Variants in WDR20 observed in about 807,000 individuals in gnomAD.
WDR20 encodes WD repeat-containing protein 20.
WDR20 carries 3 observed loss-of-function variants against 38.7 expected under a neutral mutation model. That is an observed-to-expected ratio of 0.08 (90% CI 0.04 to 0.20). WDR20 has a LOEUF of 0.20. Ranked by LOEUF, WDR20 falls within the 10% of genes least tolerant of loss-of-function variation. The probability of loss-of-function intolerance (pLI) is 1.00; values close to 1 mark genes in which losing one functional copy is unlikely to be tolerated. For missense variants in WDR20, 559 were observed against 727.7 expected (o/e 0.77, Z 2.67); for synonymous variants, 298 against 285.6 (o/e 1.04, Z -0.44).
chr14:102,213,258 G>A (rs934783597), downstream of WDR20: 24 of 985,328 alleles, frequency 2.4e-5, no homozygotes, highest in East Asian at 1.1e-4. Flanking sequence ...TTCCCCCAGC[G>A]GCCTGGAGAA....
At chr14:102,198,692 G>A (rs537059252) in intron 2 of WDR20, among the ~76,000 whole-genome samples, 85 of 152,164 alleles carry the variant, frequency 5.6e-4, no homozygotes, top group Admixed American at 9.8e-4. Context: ...CCTGAAGTAC[G>A]GGATTCCTTA....
chr14:102,169,431 G>A (rs573722985), intron 1 of WDR20, among the ~76,000 whole-genome samples: 1 of 152,316 alleles, frequency 6.6e-6, no homozygotes, highest in African/African-American at 2.4e-5. Flanking sequence ...TACAAGAGGA[G>A]GGCTTTATCT....
At chr14:102,160,539 A>G (rs1035956513) in intron 1 of WDR20, among the ~76,000 whole-genome samples, 2 of 152,072 alleles carry the variant, frequency 1.3e-5, no homozygotes, top group Non-Finnish European at 2.9e-5. Flanking sequence ...TTTCCATTTT[A>G]GTAAAAGAGA....
intron 1 of WDR20, among the ~76,000 whole-genome samples, chr14:102,147,772 C>G (rs1224454995): frequency 2.6e-5 from 4 of 152,178 alleles, no homozygotes; most frequent in Non-Finnish European, 5.9e-5. Flanking sequence ...ACTCTATTCC[C>G]CAGGCTGGAG....
At chr14:102,165,542 T>TGTA (rs1566876188) in intron 1 of WDR20, among the ~76,000 whole-genome samples, 1 of 152,268 alleles carries the variant, frequency 6.6e-6, no homozygotes, top group East Asian at 1.9e-4. Context: ...AGGAGCTTCT[T>TGTA]GTATGTTAGC....
downstream of WDR20, among the ~76,000 whole-genome samples, chr14:102,218,753 C>T (rs932876379): frequency 3.9e-5 from 6 of 152,194 alleles, no homozygotes; most frequent in Non-Finnish European, 8.8e-5. Flanking sequence ...CCCCGTTCCT[C>T]TCACGGTGTG....
intron 1 of WDR20, among the ~76,000 whole-genome samples, chr14:102,154,583 G>A (rs1566825921): frequency 6.6e-6 from 1 of 152,142 alleles, no homozygotes; most frequent in Non-Finnish European, 1.5e-5. Context: ...ACTTATGTAT[G>A]CATTTGTCTG....
At chr14:102,168,301 A>AT (rs1245180391) in intron 1 of WDR20, among the ~76,000 whole-genome samples, 1 of 152,090 alleles carries the variant, frequency 6.6e-6, no homozygotes, top group Non-Finnish European at 1.5e-5. Flanking sequence ...AAAAGGAAAA[A>AT]TTTTTCCCCC....
At chr14:102,162,811 C>T (rs1229393257) in intron 1 of WDR20, among the ~76,000 whole-genome samples, 2 of 152,024 alleles carry the variant, frequency 1.3e-5, no homozygotes, top group African/African-American at 4.8e-5. Context: ...AGGGTTTTGC[C>T]GTGTAGCCCA....
intron 1 of WDR20, among the ~76,000 whole-genome samples, chr14:102,188,258 C>G (rs927945323): frequency 6.6e-6 from 1 of 152,172 alleles, no homozygotes; most frequent in Non-Finnish European, 1.5e-5. Context: ...ATGGCTGTTG[C>G]CTGTGATGCC....
rs1032160980 is a variant in WDR20 at position 102,222,334 on chromosome 14, C to A, written c.1693-496C>A. On this transcript the variant is annotated intron_variant, in intron 3 of 3. Coordinates refer to the WDR20 transcript ENST00000335263. The surrounding 1 kb of genome is among the most constrained non-coding windows in gnomAD (Gnocchi z 4.4). Reference sequence around the variant, plus strand: ...CAGGGGGTGCCACGGTCACACCACCCAACAAAGCAAGAACCCCCCAGCAGA... The same window carrying A: ...CAGGGGGTGCCACGGTCACACCACCAAACAAAGCAAGAACCCCCCAGCAGA... 6.6e-6 allele frequency among the ~76,000 whole-genome samples: 1 copy of A among 152,250 alleles called. No homozygotes were observed. Among genetic ancestry groups the A allele is most frequent in the Non-Finnish European group, 1.5e-5 (1 of 68,046 alleles).
In WDR20 at chr14:102,207,667, G is replaced by A. The variant is rs775486951; in HGVS notation, c.433-936G>A. On this transcript the variant is annotated intron_variant, in intron 2 of 2. Transcript: ENST00000342702. This position sits in a 1 kb window ranked among gnomAD's most constrained non-coding sequence, Gnocchi z 5.0. ...ATGTGTTCTGGTGATGCGATTTTGC[G>A]CTCAGACGGTCCAGAAAGGGACCGC... Among the ~76,000 whole-genome samples, 5 of 152,180 alleles carry A rather than the reference G, an allele frequency of 3.3e-5. No individual in the cohort carries two copies. Among genetic ancestry groups the A allele is most frequent in the African/African-American group, 9.6e-5 (4 of 41,452 alleles).
intron 1 of WDR20, among the ~76,000 whole-genome samples, chr14:102,161,522 C>A (rs1180832247): frequency 6.6e-6 from 1 of 151,896 alleles, no homozygotes; most frequent in Non-Finnish European, 1.5e-5. Context: ...CCATATTGCC[C>A]ATGCTGGGTT....
Position 102,139,981 on chromosome 14 carries a change from C to T in WDR20, c.58C>T (p.Arg20Trp). 6.2e-7 allele frequency: 1 copy of T among 1,614,206 alleles called. No individual in the cohort carries two copies. Among genetic ancestry groups the T allele is most frequent in the Non-Finnish European group, 8.5e-7 (1 of 1,180,028 alleles). The change falls in exon 1 of 3, where the codon CGG becomes TGG. Residue 20 changes from arginine to tryptophan, a missense_variant. Transcript: ENST00000342702. ...CGAGATTAAGACCCAATTCACCACCCGGGAAGGTCTGTACAAGCTGCTGCC... is the reference window on the plus strand; with the variant it reads ...CGAGATTAAGACCCAATTCACCACCTGGGAAGGTCTGTACAAGCTGCTGCC... ...MNEIKTQFTT[R>W]EGLYKLLPHS...
At chr14:102,213,255 A>C (rs2062782658), downstream of WDR20, 2 of 985,334 alleles carry the variant, frequency 2.0e-6, no homozygotes, top group Non-Finnish European at 2.4e-6. Context: ...AAATTCCCCC[A>C]GCGGCCTGGA....
chr14:102,158,645 C>G, intron 1 of WDR20, among the ~76,000 whole-genome samples: 1 of 151,986 alleles, frequency 6.6e-6, no homozygotes, highest in Admixed American at 6.6e-5. Context: ...AACCTACTTC[C>G]CTATCCTTAT....
intron 1 of WDR20, among the ~76,000 whole-genome samples, chr14:102,154,541 A>T (rs867794597): frequency 1.1e-4 from 17 of 152,206 alleles, no homozygotes; most frequent in Admixed American, 3.9e-4. Flanking sequence ...GGACACAAAC[A>T]TTCAGACCAT....
chr14:102,213,461 A>C (rs1008504247), downstream of WDR20: 86 of 985,316 alleles, frequency 8.7e-5, no homozygotes, highest in Non-Finnish European at 1.0e-4. Flanking sequence ...CTGGGGACTG[A>C]GGGTAAATGC....
intron 2 of WDR20, among the ~76,000 whole-genome samples, chr14:102,199,075 C>T (rs1855461145): frequency 1.3e-5 from 2 of 152,086 alleles, no homozygotes; most frequent in Non-Finnish European, 1.5e-5. Flanking sequence ...GATTATACTC[C>T]AAGATTCTGG....
Sources: allele counts gnomAD v4.1 joint callset (sites outside exome capture counted in the v4.1 genomes callset), GRCh38; gene constraint gnomAD v4.1.1; non-coding constraint Gnocchi (gnomAD v3.1); transcripts MANE v1.5; gene names NCBI Gene and HGNC (gene_info 2026-07-23, HGNC 2026-07-21).